Variants in FSTL5 observed in about 807,000 individuals in gnomAD.
FSTL5 encodes the protein follistatin-related protein 5.
Under a neutral mutation model 89.1 loss-of-function variants are expected in FSTL5, and 62 were observed. That is an observed-to-expected ratio of 0.70 (90% CI 0.57 to 0.86). The LOEUF (loss-of-function observed/expected upper bound fraction) is 0.86, where lower values mean the gene tolerates loss of function less well. FSTL5 is among the 40% of genes least tolerant of loss of function. The pLI, the probability that FSTL5 is intolerant of heterozygous loss-of-function variation, is 0.00. For synonymous variants in FSTL5, 383 were observed against 346.2 expected (o/e 1.11, Z -1.18); for missense variants, 1,057 against 1,001.6 (o/e 1.06, Z -0.75).
intron 4 of FSTL5, among the ~76,000 whole-genome samples, chr4:161,814,609 A>T (rs534317808): frequency 6.6e-6 from 1 of 152,150 alleles, no homozygotes; most frequent in Non-Finnish European, 1.5e-5. Context: ...CATTTACATT[A>T]TATAATAGAA....
chr4:161,762,946 G>A (rs1740858288), intron 5 of FSTL5, among the ~76,000 whole-genome samples: 1 of 152,106 alleles, frequency 6.6e-6, no homozygotes, highest in East Asian at 1.9e-4. Context: ...GGAACAGGGA[G>A]TACATTTTGA....
chr4:161,963,923 T>C (rs2110988201), intron 3 of FSTL5, among the ~76,000 whole-genome samples: 1 of 152,012 alleles, frequency 6.6e-6, no homozygotes, highest in South Asian at 2.1e-4. Context: ...CTTATAAGAG[T>C]ACTTACATTT....
chr4:161,717,763 A>AGATT (rs1739038447), intron 6 of FSTL5, among the ~76,000 whole-genome samples: 1 of 152,238 alleles, frequency 6.6e-6, no homozygotes, highest in African/African-American at 2.4e-5. Flanking sequence ...ATATTGTTAA[A>AGATT]TCATTTCATT....
chr4:161,734,973 G>T (rs542002022), intron 6 of FSTL5, among the ~76,000 whole-genome samples: 2 of 151,732 alleles, frequency 1.3e-5, no homozygotes, highest in African/African-American at 4.8e-5. Flanking sequence ...ATTTCCAACA[G>T]TTCCTACCTG....
chr4:161,514,703 C>A lies in FSTL5; in HGVS notation c.1313-4279G>T, dbSNP rs534428395. Among the ~76,000 whole-genome samples, 26 of 152,094 alleles carry A rather than the reference C, an allele frequency of 1.7e-4. No individual in the cohort carries two copies. The East Asian group carries it at 4.4e-3, about 26-fold the overall frequency. On this transcript the variant is annotated intron_variant, in intron 10 of 15. Transcript: ENST00000306100. ...TTAATTTTTGATGGGTTGATCAATT[C>A]ATTAATCTAAGAAACAAATATAAAT... is the stretch of plus-strand genomic sequence containing the variant.
chr4:162,161,054 A>G (rs920434853), intron 1 of FSTL5, among the ~76,000 whole-genome samples: 1 of 151,968 alleles, frequency 6.6e-6, no homozygotes, highest in Non-Finnish European at 1.5e-5. Context: ...GTCATGTAAT[A>G]TATAATTAAA....
chr4:161,790,494 T>C (rs1729432848), intron 4 of FSTL5, among the ~76,000 whole-genome samples: 2 of 152,222 alleles, frequency 1.3e-5, no homozygotes, highest in Non-Finnish European at 1.5e-5. Flanking sequence ...TATACAGTGT[T>C]ACAGTAACTC....
intron 2 of FSTL5, among the ~76,000 whole-genome samples, chr4:162,105,472 A>C (rs1731188595): frequency 6.6e-6 from 1 of 152,128 alleles, no homozygotes. Context: ...GAACTATTAC[A>C]TGTACTTTGA....
At chr4:161,650,552 T>C (rs551488857) in intron 7 of FSTL5, among the ~76,000 whole-genome samples, 62 of 152,230 alleles carry the variant, frequency 4.1e-4, no homozygotes, top group African/African-American at 1.4e-3. Flanking sequence ...AAATAATATT[T>C]TGGGGAGCTT....
intron 5 of FSTL5, among the ~76,000 whole-genome samples, chr4:161,774,333 T>A (rs927516994): frequency 5.9e-5 from 9 of 152,140 alleles, no homozygotes; most frequent in African/African-American, 2.2e-4. Flanking sequence ...AGAGGAAGCA[T>A]GGCCCTGTCA....
intron 15 of FSTL5, among the ~76,000 whole-genome samples, chr4:161,431,750 C>T (rs1335786555): frequency 6.6e-6 from 1 of 151,860 alleles, no homozygotes; most frequent in East Asian, 1.9e-4. Context: ...CACACATAGA[C>T]TGAAAATAAA....
rs1340406683 is a variant in FSTL5, at chr4:161,593,160, TCTTCA to T, written c.895-5590_895-5586del. 1.1e-3 allele frequency among the ~76,000 whole-genome samples: 168 copies of T among 152,276 alleles called. 2 individuals carry two copies. Among genetic ancestry groups the T allele is most frequent in the African/African-American group, 3.8e-3 (159 of 41,564 alleles). ...TTTATCAATAAAAAGCAAGCATTTA[TCTTCA>T]CTTCATTTTTGTAAAATGTAAATAC... On this transcript the variant is annotated intron_variant, in intron 7 of 15. Transcript: ENST00000306100.
Position 161,475,027 on chromosome 4 carries a change from C to CTT in FSTL5, c.1608+5991_1608+5992dup, listed in dbSNP as rs58684881. On this transcript the variant is annotated intron_variant, in intron 13 of 15. Coordinates refer to ENST00000306100, the MANE Select transcript of FSTL5 (RefSeq NM_020116.5). ...TGTGGGATATAGGATCCTTGATTGGCTTTTTTTTTTTTTTTTGTCTTGTAG... is the reference window on the plus strand; with the variant it reads ...TGTGGGATATAGGATCCTTGATTGGCTTTTTTTTTTTTTTTTTTGTCTTGTAG... Among the ~76,000 whole-genome samples, 990 of 129,440 alleles carry CTT rather than the reference C, an allele frequency of 7.6e-3. 13 individuals are homozygous for CTT. Among genetic ancestry groups the CTT allele is most frequent in the African/African-American group, 0.027 (947 of 35,306 alleles). The allele number at this position is 129,440 out of a possible 152,430, so 84.9% of individuals were successfully genotyped here.
chr4:161,843,752 T>C (rs897195226), intron 4 of FSTL5, among the ~76,000 whole-genome samples: 3 of 152,072 alleles, frequency 2.0e-5, no homozygotes, highest in African/African-American at 2.4e-5. Context: ...TGCAGAAAAC[T>C]GAAACTGGCC....
Position 161,985,717 on chromosome 4 carries a change from A to G in FSTL5, c.160+47908T>C, listed in dbSNP as rs143421395. Among the ~76,000 whole-genome samples, 1,511 of 151,928 alleles carry G rather than the reference A, an allele frequency of 9.9e-3. 24 individuals carry two copies. The highest frequency in any genetic ancestry group is 0.034 in the African/African-American group (1,414 of 41,506). ...AACACATACTACTACTTAGTTTTTG[A>G]TGACACATTATACTTTCCTTTTTAT... On this transcript the variant is annotated intron_variant, in intron 3 of 15. Coordinates refer to ENST00000306100, the MANE Select transcript of FSTL5 (RefSeq NM_020116.5).
chr4:161,694,975 A>T (rs1217065100), intron 6 of FSTL5, among the ~76,000 whole-genome samples: 2 of 150,766 alleles, frequency 1.3e-5, no homozygotes, highest in East Asian at 3.9e-4. Context: ...GGCTCCTATT[A>T]AAAAATAGAA....
intron 7 of FSTL5, among the ~76,000 whole-genome samples, chr4:161,596,852 C>T (rs1734028479): frequency 6.6e-6 from 1 of 152,066 alleles, no homozygotes; most frequent in Admixed American, 6.6e-5. Context: ...GAAGACATAT[C>T]CTTCGCCCAC....
intron 7 of FSTL5, among the ~76,000 whole-genome samples, chr4:161,636,107 C>T (rs934781341): frequency 3.4e-5 from 5 of 149,098 alleles, no homozygotes; most frequent in African/African-American, 4.9e-5. Flanking sequence ...AAAAAAAAAT[C>T]CTTGAAGGAA....
chr4:161,585,716 A>G (rs1403457082), intron 8 of FSTL5, among the ~76,000 whole-genome samples: 1 of 152,086 alleles, frequency 6.6e-6, no homozygotes, highest in Admixed American at 6.6e-5. Context: ...TGCTGCATTT[A>G]CCTAGAGGGT....
Sources: gnomAD v4.1 joint callset for allele counts (sites outside exome capture counted in the v4.1 genomes callset) on GRCh38, gnomAD v4.1.1 for gene constraint, MANE v1.5 for transcripts, NCBI Gene and HGNC (gene_info 2026-07-23, HGNC 2026-07-21) for gene names.